Variants in DGKH observed in about 807,000 individuals in gnomAD.
DGKH encodes the protein DAG kinase eta.
A neutral mutation model predicts 159.3 loss-of-function variants in DGKH; 90 were observed. The observed-to-expected ratio is 0.57, with a 90% CI of 0.48 to 0.67. The LOEUF is 0.67. DGKH is among the 30% of genes least tolerant of loss of function. The probability of loss-of-function intolerance (pLI) is 0.00; values close to 1 mark genes in which losing one functional copy is unlikely to be tolerated. For synonymous variants in DGKH, 536 were observed against 553.8 expected, an observed-to-expected ratio of 0.97 and a Z score of 0.45; for missense variants, 1,181 against 1,506.1, an observed-to-expected ratio of 0.78 and a Z score of 3.57.
chr13:42,207,117 T>C (rs200885787), intron 21 of DGKH, among the ~76,000 whole-genome samples: 3 of 62,666 alleles, frequency 4.8e-5, no homozygotes, highest in African/African-American at 1.9e-4. Context: ...TTCTTTCTCT[T>C]TCTCTCTCCT....
At chr13:42,163,269 A>G (rs1956235967) in intron 7 of DGKH, among the ~76,000 whole-genome samples, 1 of 151,814 alleles carries the variant, frequency 6.6e-6, no homozygotes, top group Non-Finnish European at 1.5e-5. Context: ...TCATTGTTGG[A>G]CATTTGGGTT....
chr13:42,249,977 G>T (rs912727814), intron 29 of DGKH, among the ~76,000 whole-genome samples: 16 of 141,732 alleles, frequency 1.1e-4, no homozygotes, highest in South Asian at 2.3e-4. Flanking sequence ...TTGTTTTTTT[G>T]TTTTTTTTTT....
intron 9 of DGKH, 77 bp from the exon 10 acceptor site, chr13:42,168,363 C>T: frequency 8.1e-7 from 1 of 1,238,718 alleles, no homozygotes; most frequent in Non-Finnish European, 1.1e-6. Context: ...AATATGAATA[C>T]TGATACAGAA....
At chr13:42,135,922 C>A (rs1440257679) in intron 3 of DGKH, among the ~76,000 whole-genome samples, 2 of 152,146 alleles carry the variant, frequency 1.3e-5, no homozygotes, top group African/African-American at 4.8e-5. Flanking sequence ...TATGTCTATC[C>A]CCAGATTTGT....
intron 23 of DGKH, 68 bp downstream of exon 23, chr13:42,209,533 A>T (rs1957586330): frequency 1.4e-6 from 2 of 1,444,434 alleles, no homozygotes; most frequent in Non-Finnish European, 1.8e-6. Flanking sequence ...GTTATAAAAA[A>T]ATAGAAAATG....
intron 1 of DGKH, among the ~76,000 whole-genome samples, chr13:42,113,003 T>C (rs977001936): frequency 2.0e-5 from 3 of 152,230 alleles, no homozygotes; most frequent in Non-Finnish European, 4.4e-5. Flanking sequence ...ATCTGGCTTT[T>C]GTTCGGATCA....
At chr13:42,156,516 A>G (rs2137959980) in intron 5 of DGKH, among the ~76,000 whole-genome samples, 2 of 152,250 alleles carry the variant, frequency 1.3e-5, no homozygotes, top group Middle Eastern at 3.4e-3. Context: ...GGCATGAGCA[A>G]ATTTGTGAGT....
chr13:42,140,337 T>C (rs4941416), intron 3 of DGKH: 55,453 of 152,612 alleles, frequency 0.36, 11,004 homozygotes, highest in South Asian at 0.45. Context: ...CGTGCTGTGC[T>C]GCCTCCTGGT....
intron 13 of DGKH, 45 bp from the exon 14 acceptor site, chr13:42,187,004 T>C (rs1956947457): frequency 6.6e-7 from 1 of 1,519,162 alleles, no homozygotes; most frequent in Admixed American, 1.7e-5. Flanking sequence ...CAAGGCAAAT[T>C]AATTCATGAA....
chr13:42,117,599 A>G (rs547462412), intron 1 of DGKH, among the ~76,000 whole-genome samples: 1 of 152,084 alleles, frequency 6.6e-6, no homozygotes, highest in East Asian at 1.9e-4. Flanking sequence ...AGCTGTTTGT[A>G]TATTGTAACA....
At chr13:42,180,698 T>C (rs915148887) in intron 13 of DGKH, among the ~76,000 whole-genome samples, 8 of 152,176 alleles carry the variant, frequency 5.3e-5, no homozygotes, top group African/African-American at 1.9e-4. Context: ...ATCCCTCCTG[T>C]CACTCACTCA....
chr13:42,135,655 A>C (rs561665620), intron 3 of DGKH, among the ~76,000 whole-genome samples: 154 of 152,234 alleles, frequency 1.0e-3, no homozygotes, highest in South Asian at 5.4e-3. Context: ...TGCTATCTGC[A>C]TGGTGTTCTG....
intron 3 of DGKH, among the ~76,000 whole-genome samples, chr13:42,138,967 A>G (rs1049807543): frequency 2.6e-5 from 4 of 152,202 alleles, no homozygotes; most frequent in Non-Finnish European, 4.4e-5. Context: ...TTTAAAATTC[A>G]TATTCCTTTT....
At chr13:42,176,387 C>T (rs1238345547) in intron 12 of DGKH, among the ~76,000 whole-genome samples, 1 of 151,908 alleles carries the variant, frequency 6.6e-6, no homozygotes, top group Non-Finnish European at 1.5e-5. Flanking sequence ...TTTTCTCATC[C>T]TAGCTGTAAA....
chr13:42,065,610 T>C (rs960537434), intron 1 of DGKH, among the ~76,000 whole-genome samples: 2 of 151,792 alleles, frequency 1.3e-5, no homozygotes, highest in African/African-American at 4.8e-5. Flanking sequence ...GGGTCTGGAG[T>C]GAACAGGTGA....
intron 1 of DGKH, among the ~76,000 whole-genome samples, chr13:42,095,156 C>CTTTTTTTTTTTTTTTT (rs776422302): frequency 2.1e-4 from 16 of 76,814 alleles, no homozygotes; most frequent in Admixed American, 5.7e-4. Context: ...ATGTTGACTC[C>CTTTTTTTTTTTTTTTT]TTTTTTTTTT....
chr13:42,255,105 A>G (rs1958648522), intron 30 of DGKH, among the ~76,000 whole-genome samples: 1 of 151,710 alleles, frequency 6.6e-6, no homozygotes, highest in South Asian at 2.1e-4. Flanking sequence ...TTAATATTAT[A>G]TAATGGCATA....
At chr13:42,155,070 A>G (rs1455801828) in intron 3 of DGKH, among the ~76,000 whole-genome samples, 1 of 152,196 alleles carries the variant, frequency 6.6e-6, no homozygotes, top group Non-Finnish European at 1.5e-5. Context: ...TAGCCTTAGA[A>G]AAAAGGGCTA....
intron 29 of DGKH, among the ~76,000 whole-genome samples, chr13:42,252,114 GA>G (rs1257740440): frequency 2.0e-5 from 3 of 151,074 alleles, no homozygotes; most frequent in Non-Finnish European, 4.4e-5. Context: ...GTCATAAAAT[GA>G]AAGAGCTTTT....
Sources: gnomAD v4.1 joint callset for allele counts (sites outside exome capture counted in the v4.1 genomes callset) on GRCh38, gnomAD v4.1.1 for gene constraint, MANE v1.5 for transcripts, NCBI Gene and HGNC (gene_info 2026-07-23, HGNC 2026-07-21) for gene names.